The following TRDMT1 variants were observed in gnomAD, a reference collection of about 807,000 sequenced individuals.
The protein encoded by TRDMT1 is tRNA (cytosine(38)-C(5))-methyltransferase.
In TRDMT1, 49 loss-of-function variants were observed where a neutral mutation model predicts 51.2. The observed-to-expected ratio is 0.96, with a 90% confidence interval of 0.76 to 1.21. The LOEUF (loss-of-function observed/expected upper bound fraction) is 1.21, where lower values mean the gene tolerates loss of function less well. Among genes scored for constraint, TRDMT1 ranks in the 50% most tolerant of loss-of-function variants. TRDMT1 has a pLI of 0.00. For synonymous variants in TRDMT1, 187 were observed against 164.6 expected (o/e 1.14, Z -1.04); for missense variants, 534 against 462.3 (o/e 1.16, Z -1.42).
intron 10 of TRDMT1, among the ~76,000 whole-genome samples, chr10:17,149,575 T>C (rs925689240): frequency 1.3e-5 from 2 of 152,100 alleles, no homozygotes; most frequent in African/African-American, 4.8e-5. Context: ...TTTTCAAATA[T>C]CTCCATTATC....
chr10:17,145,548 A>G lies in TRDMT1; in HGVS notation c.*3492T>C, dbSNP rs1838032399. ...AGTTTCAAAGTCCAAAGCTATTAGTAAGTCAGTGTCATAACTGGTGGCCTA... is the reference window on the plus strand; with the variant it reads ...AGTTTCAAAGTCCAAAGCTATTAGTGAGTCAGTGTCATAACTGGTGGCCTA... On this transcript the variant is annotated 3_prime_UTR_variant, in exon 11 of 11. Transcript: ENST00000377799. 3 of 985,470 alleles carry G rather than the reference A, an allele frequency of 3.0e-6. No individual in the cohort carries two copies. The allele number at this position is 985,470 out of a possible 1,614,324, so 61.0% of individuals were successfully genotyped here. A position where few individuals can be genotyped will look rare whatever the true frequency, so the allele number is the denominator to read the frequency against.
At position 17,169,571 on chromosome 10, in the gene TRDMT1, C is replaced by A. The variant is rs916268393; in HGVS notation, c.175-654G>T. 25 of 1,278,182 alleles carry A rather than the reference C, an allele frequency of 2.0e-5. No homozygotes were observed. The African/African-American group carries it at 3.2e-4, about 16-fold the overall frequency. The allele number at this position is 1,278,182 out of a possible 1,614,324, so 79.2% of individuals were successfully genotyped here. On this transcript the variant is annotated intron_variant, in intron 2 of 10. Transcript: ENST00000377799. Reference sequence around the variant, plus strand: ...CTCAGAAGACAAACACAGGGAAGCACACGTCAGGGGTTTGCCAACTCACAT... The same window carrying A: ...CTCAGAAGACAAACACAGGGAAGCAAACGTCAGGGGTTTGCCAACTCACAT...
At position 17,157,514 on chromosome 10, in the gene TRDMT1, A is replaced by T. The variant is rs1839694550; in HGVS notation, c.814T>A (p.Ser272Thr). ...DVNQYLLPPK[S>T]LLRYALLLDI... ...AACAGAAGAGCATATCGCAGCAATGACTTTGGTGGTAAAAGATACTGGTTC... is the reference window on the plus strand; with the variant it reads ...AACAGAAGAGCATATCGCAGCAATGTCTTTGGTGGTAAAAGATACTGGTTC... The change falls in exon 8 of 11, where the codon TCA becomes ACA. Residue 272 changes from serine (S) to threonine (T), a missense_variant. Physicochemically the swap from Ser to Thr is moderately conservative, Grantham distance 58. Coordinates refer to ENST00000377799, the MANE Select transcript of TRDMT1 (RefSeq NM_004412.7). The T allele has an allele frequency of 1.2e-6, 2 of 1,614,044 alleles. No homozygotes were observed. The highest frequency in any genetic ancestry group is 2.7e-5 in the African/African-American group (2 of 75,052).
At chr10:17,153,189 A>C (rs1226254224) in intron 10 of TRDMT1, 1 of 429,636 alleles carries the variant, frequency 2.3e-6, no homozygotes, top group Non-Finnish European at 4.1e-6. Flanking sequence ...CCTCTGGAAA[A>C]GAAAATAAGC....
In TRDMT1 at chr10:17,146,747, C is replaced by G. The variant is rs1351920551; in HGVS notation, c.*2293G>C. On this transcript the variant is annotated 3_prime_UTR_variant, in exon 11 of 11. Coordinates refer to ENST00000377799, the MANE Select transcript of TRDMT1 (RefSeq NM_004412.7). Reference sequence around the variant, plus strand: ...ATGTACAAGTCCAAATATCAGGAAACAGAATTTCCAGTGCAAATTTTATAT... The same window carrying G: ...ATGTACAAGTCCAAATATCAGGAAAGAGAATTTCCAGTGCAAATTTTATAT... The G allele has an allele frequency of 1.0e-6, 1 of 985,254 alleles. No homozygotes were observed. The highest frequency in any genetic ancestry group is 1.1e-4 in the East Asian group (1 of 8,826). The allele number at this position is 985,254 out of a possible 1,614,324, so 61.0% of individuals were successfully genotyped here. A position where few individuals can be genotyped will look rare whatever the true frequency, so the allele number is the denominator to read the frequency against.
intron 8 of TRDMT1, among the ~76,000 whole-genome samples, chr10:17,156,657 CAGTAA>C (rs1263131501): frequency 6.6e-6 from 1 of 151,978 alleles, no homozygotes; most frequent in Non-Finnish European, 1.5e-5. Flanking sequence ...AATAGGTAAC[CAGTAA>C]AGTAAATTAT....
chr10:17,166,837 G>A (rs186237124), intron 3 of TRDMT1, among the ~76,000 whole-genome samples: 86 of 152,322 alleles, frequency 5.6e-4, no homozygotes, highest in African/African-American at 1.7e-3. Flanking sequence ...TCACAGAGCT[G>A]GAGCTGCATT....
chr10:17,151,000 T>G, intron 10 of TRDMT1: 1 of 983,654 alleles, frequency 1.0e-6, no homozygotes, highest in Non-Finnish European at 1.2e-6. Flanking sequence ...TATCTATGTG[T>G]GTGTGCATGT....
At position 17,145,909 on chromosome 10, in the gene TRDMT1, C is replaced by A. The variant is rs1838064970; in HGVS notation, c.*3131G>T. ...AAATCAGTTGTATTTATCTTTAGTT[C>A]ATTTCTCTCTCCTCAGAAGTCTCCA... On this transcript the variant is annotated 3_prime_UTR_variant, in exon 11 of 11. Coordinates refer to ENST00000377799, the MANE Select transcript of TRDMT1 (RefSeq NM_004412.7). 4.1e-6 allele frequency: 4 copies of A among 985,276 alleles called. No homozygotes were observed. The African/African-American group carries it at 5.2e-5, about 13-fold the overall frequency. 61.0% of individuals were successfully genotyped at this position (985,276 alleles called of 1,614,324 possible).
chr10:17,188,575 T>C (rs1844258528), intron 1 of TRDMT1, among the ~76,000 whole-genome samples: 1 of 152,204 alleles, frequency 6.6e-6, no homozygotes. Flanking sequence ...TATCTTAGCA[T>C]GTTCATTTGG....
rs142276706 is a variant in TRDMT1, at chr10:17,157,505, G to A, written c.823C>T (p.Arg275Ter). The A allele has an allele frequency of 1.2e-5, 19 of 1,613,852 alleles. No homozygotes were observed. Among genetic ancestry groups the A allele is most frequent in the Admixed American group, 5.0e-5 (3 of 59,994 alleles). Residue 275 changes from arginine to a stop codon, truncating the protein, a stop_gained, in exon 8 of 11, where the codon CGA becomes TGA. Transcript: ENST00000377799. LOFTEE classifies it high-confidence loss of function. ...QYLLPPKSLL[R>*]YALLLDIVQP... is the part of the protein sequence containing the mutation. Reference sequence around the variant, plus strand: ...ACAATGTCTAACAGAAGAGCATATCGCAGCAATGACTTTGGTGGTAAAAGA... The same window carrying A: ...ACAATGTCTAACAGAAGAGCATATCACAGCAATGACTTTGGTGGTAAAAGA...
At position 17,174,591 on chromosome 10, in the gene TRDMT1, T is replaced by C. The variant is rs990117085; in HGVS notation, c.134A>G (p.Tyr45Cys). The C allele has an allele frequency of 5.0e-6, 8 of 1,613,902 alleles. No homozygotes were observed. The highest frequency in any genetic ancestry group is 4.0e-5 in the African/African-American group (3 of 74,938). The change falls in exon 2 of 11, where the codon TAT becomes TGT. Residue 45 changes from tyrosine (Y) to cysteine (C), a missense_variant. Physicochemically the swap from Tyr to Cys is radical, Grantham distance 194. Coordinates refer to ENST00000377799, the MANE Select transcript of TRDMT1 (RefSeq NM_004412.7). Reference protein sequence around the residue: ...VNTVANEVYKYNFPHTQLLAK... With the variant: ...VNTVANEVYKCNFPHTQLLAK... Reference sequence around the variant, plus strand: ...AAGTAACTGTGTGTGAGGAAAATTATACTTGTATACTTCATTAGCGACAGT... The same window carrying C: ...AAGTAACTGTGTGTGAGGAAAATTACACTTGTATACTTCATTAGCGACAGT...
intron 2 of TRDMT1, chr10:17,171,952 T>C (rs1003523507): frequency 6.0e-6 from 1 of 166,920 alleles, no homozygotes; most frequent in Non-Finnish European, 1.5e-5. Context: ...CATTCTCCTC[T>C]TCAGAGGCAT....
chr10:17,175,503 G>T (rs561027365), intron 1 of TRDMT1, among the ~76,000 whole-genome samples: 1 of 152,200 alleles, frequency 6.6e-6, no homozygotes, highest in South Asian at 2.1e-4. Context: ...TGCATGCCCT[G>T]ACCCAAGTCA....
chr10:17,169,334 C>A, intron 2 of TRDMT1: 1 of 1,187,448 alleles, frequency 8.4e-7, no homozygotes, highest in Non-Finnish European at 1.1e-6. Context: ...CTTTATTTAG[C>A]AAATGTGATA....
intron 4 of TRDMT1, 68 bp from the exon 5 acceptor site, chr10:17,161,616 T>C: frequency 2.4e-6 from 2 of 849,040 alleles, no homozygotes; most frequent in East Asian, 3.4e-5. Context: ...AAGAAAATCA[T>C]TACTTGTGGG....
intron 10 of TRDMT1, chr10:17,150,383 C>A: frequency 1.0e-6 from 1 of 985,160 alleles, no homozygotes; most frequent in Non-Finnish European, 1.2e-6. Flanking sequence ...ACAAGTACCC[C>A]ACGGGTGTTT....
chr10:17,169,600 G>A, intron 2 of TRDMT1: 2 of 1,101,440 alleles, frequency 1.8e-6, no homozygotes, highest in Middle Eastern at 4.6e-4. Flanking sequence ...CTCACATTAA[G>A]CACTCTCAGT....
In TRDMT1 at chr10:17,144,760, C is replaced by T. The variant is rs116231647; in HGVS notation, c.*4280G>A. The T allele has an allele frequency of 1.9e-3, 1,854 of 985,014 alleles. 32 individuals are homozygous for T. In the African/African-American group the frequency reaches 0.03, roughly 16 times the overall value. 61.0% of individuals were successfully genotyped at this position (985,014 alleles called of 1,614,324 possible). A position where few individuals can be genotyped will look rare whatever the true frequency, so the allele number is the denominator to read the frequency against. On this transcript the variant is annotated 3_prime_UTR_variant, in exon 11 of 11. Coordinates refer to ENST00000377799, the MANE Select transcript of TRDMT1 (RefSeq NM_004412.7). ...ATGAGTACCTTAAAATGTTCCTAGA[C>T]AGCCTAAAGAGAGAAACGGAAGCTA... is the stretch of plus-strand genomic sequence containing the variant.
Sources: allele counts gnomAD v4.1 joint callset (sites outside exome capture counted in the v4.1 genomes callset), GRCh38; gene constraint gnomAD v4.1.1; transcripts MANE v1.5; gene names NCBI Gene and HGNC (gene_info 2026-07-23, HGNC 2026-07-21).